The following EYA2 variants were observed in gnomAD, a reference collection of about 807,000 sequenced individuals.
EYA2 encodes EYA transcriptional coactivator and phosphatase 2, also known as protein phosphatase EYA2.
In EYA2, 31 loss-of-function variants were observed where a neutral mutation model predicts 69.2. The observed-to-expected ratio is 0.45, with a 90% CI of 0.34 to 0.60. EYA2 has a LOEUF of 0.60. EYA2 is among the 20% of genes least tolerant of loss of function. The pLI is 0.02. For synonymous variants in EYA2, 257 were observed against 279.4 expected, an observed-to-expected ratio of 0.92 and a Z score of 0.80; for missense variants, 622 against 701.2, an observed-to-expected ratio of 0.89 and a Z score of 1.28.
At chr20:47,067,943 G>C (rs1266660505) in intron 5 of EYA2, among the ~76,000 whole-genome samples, 2 of 152,156 alleles carry the variant, frequency 1.3e-5, no homozygotes, top group African/African-American at 4.8e-5. Context: ...GAAAAATGTT[G>C]TGCCATTTCC....
chr20:47,030,445 G>A (rs987982056), intron 5 of EYA2, among the ~76,000 whole-genome samples: 1 of 152,250 alleles, frequency 6.6e-6, no homozygotes, highest in South Asian at 2.1e-4. Context: ...ACATTCACCA[G>A]CGTAGGCTCT....
chr20:46,930,602 A>C (rs1985626105), intron 1 of EYA2, among the ~76,000 whole-genome samples: 1 of 152,194 alleles, frequency 6.6e-6, no homozygotes, highest in South Asian at 2.1e-4. Context: ...AGATGATGAC[A>C]AAAAAGGGGG....
chr20:47,183,006 A>G (rs1170815471), intron 14 of EYA2, among the ~76,000 whole-genome samples: 1 of 152,180 alleles, frequency 6.6e-6, no homozygotes, highest in African/African-American at 2.4e-5. Flanking sequence ...CCACTTCTAC[A>G]TCGGACAGCT....
intron 5 of EYA2, among the ~76,000 whole-genome samples, chr20:47,035,406 T>C (rs1229663896): frequency 6.6e-6 from 1 of 152,010 alleles, no homozygotes; most frequent in African/African-American, 2.4e-5. Flanking sequence ...CCACACAATA[T>C]CTCTTTCAAA....
At chr20:46,995,494 C>A (rs1981959251) in intron 2 of EYA2, among the ~76,000 whole-genome samples, 1 of 152,176 alleles carries the variant, frequency 6.6e-6, no homozygotes, top group African/African-American at 2.4e-5. Flanking sequence ...TTGGGGCACC[C>A]ACTTCTGGAT....
chr20:47,066,602 A>G (rs1344367653), intron 5 of EYA2, among the ~76,000 whole-genome samples: 1 of 152,186 alleles, frequency 6.6e-6, no homozygotes, highest in Non-Finnish European at 1.5e-5. Flanking sequence ...CCATGGAGAA[A>G]GAGAAGCTGC....
chr20:47,070,709 A>G (rs2031281729), intron 5 of EYA2, among the ~76,000 whole-genome samples: 1 of 152,218 alleles, frequency 6.6e-6, no homozygotes, highest in Non-Finnish European at 1.5e-5. Context: ...AATGTTCTAA[A>G]GATGAATGAT....
intron 9 of EYA2, among the ~76,000 whole-genome samples, chr20:47,138,158 A>T (rs556686323): frequency 0.014 from 1,951 of 139,996 alleles, 35 homozygotes; most frequent in African/African-American, 0.05. Context: ...ACTAAAAATT[A>T]AAAAAAAAAA....
chr20:47,001,687 C>T (rs763325314), intron 3 of EYA2, among the ~76,000 whole-genome samples: 14 of 152,118 alleles, frequency 9.2e-5, no homozygotes, highest in Non-Finnish European at 1.6e-4. Flanking sequence ...TGCCTGCCCC[C>T]ACGAAACCAG....
intron 15 of EYA2, among the ~76,000 whole-genome samples, chr20:47,184,671 C>T (rs1455644548): frequency 6.6e-6 from 1 of 152,074 alleles, no homozygotes; most frequent in Non-Finnish European, 1.5e-5. Context: ...AATCTGCCCA[C>T]CTTGGCCTCC....
chr20:47,028,036 G>C (rs185665105), intron 5 of EYA2, among the ~76,000 whole-genome samples: 2 of 152,174 alleles, frequency 1.3e-5, no homozygotes, highest in Non-Finnish European at 2.9e-5. Flanking sequence ...AGGGTTAAAT[G>C]AGGTCATGAG....
Position 47,032,697 on chromosome 20 carries a change from C to T in EYA2, c.415+16400C>T, listed in dbSNP as rs769296806. ...AAGCCAGATGCTGGGGTTGAATCTC[C>T]GCCTCTGCACTCACTGGCTGTGAGA... On this transcript the variant is annotated intron_variant, in intron 5 of 15. Transcript: ENST00000327619. Among the ~76,000 whole-genome samples, 15 of 152,148 alleles carry T rather than the reference C, an allele frequency of 9.9e-5. No individual in the cohort carries two copies. The East Asian group carries it at 1.2e-3, about 12-fold the overall frequency.
At chr20:46,933,884 A>G (rs1429020762) in intron 1 of EYA2, among the ~76,000 whole-genome samples, 1 of 152,236 alleles carries the variant, frequency 6.6e-6, no homozygotes, top group Non-Finnish European at 1.5e-5. Flanking sequence ...TGCCTGGCAC[A>G]TTGTATATGC....
chr20:46,919,205 A>G (rs1175230249), intron 1 of EYA2, among the ~76,000 whole-genome samples: 1 of 152,232 alleles, frequency 6.6e-6, no homozygotes, highest in African/African-American at 2.4e-5. Context: ...ATTGGCTTCA[A>G]CTTAAAGTTA....
intron 1 of EYA2, among the ~76,000 whole-genome samples, chr20:46,963,732 G>C (rs544614820): frequency 6.6e-6 from 1 of 152,250 alleles, no homozygotes; most frequent in Non-Finnish European, 1.5e-5. Flanking sequence ...AAGGTGGGCC[G>C]GGGGTGGTGG....
At chr20:46,977,308 T>C (rs879719137) in intron 1 of EYA2, among the ~76,000 whole-genome samples, 1 of 152,268 alleles carries the variant, frequency 6.6e-6, no homozygotes, top group Admixed American at 6.5e-5. Context: ...GTTATTTGGG[T>C]AACCAAAATT....
At chr20:47,135,818 C>CAAAAAAAAAAAAAAAAAAA (rs1201324879) in intron 9 of EYA2, among the ~76,000 whole-genome samples, 44 of 33,126 alleles carry the variant, frequency 1.3e-3, no homozygotes, top group Non-Finnish European at 1.8e-3. Context: ...CCTGTCTCTA[C>CAAAAAAAAAAAAAAAAAAA]AAAAAAAAAA....
At chr20:47,060,110 T>C (rs999531997) in intron 5 of EYA2, among the ~76,000 whole-genome samples, 14 of 152,254 alleles carry the variant, frequency 9.2e-5, no homozygotes, top group African/African-American at 3.1e-4. Flanking sequence ...CACATTCTTA[T>C]GGGGCAGAGG....
intron 5 of EYA2, among the ~76,000 whole-genome samples, chr20:47,029,401 A>T (rs964605432): frequency 6.6e-6 from 1 of 152,188 alleles, no homozygotes; most frequent in Non-Finnish European, 1.5e-5. Flanking sequence ...CATGGCTTTT[A>T]TCCATATTTT....
Sources: allele counts gnomAD v4.1 joint callset (sites outside exome capture counted in the v4.1 genomes callset), GRCh38; gene constraint gnomAD v4.1.1; transcripts MANE v1.5; gene names NCBI Gene and HGNC (gene_info 2026-07-23, HGNC 2026-07-21).